BRI3BP: variants seen among roughly 807,000 people sequenced by gnomAD.
The protein encoded by BRI3BP is BRI3 binding protein, also known as BRI3-binding protein.
In BRI3BP, 7 loss-of-function variants were observed where a neutral mutation model predicts 15.8. The observed-to-expected ratio is 0.44, with a 90% CI of 0.25 to 0.83. BRI3BP has a LOEUF of 0.83. BRI3BP is among the 40% of genes least tolerant of loss of function. BRI3BP has a pLI of 0.20. For synonymous variants in BRI3BP, 192 were observed against 163.5 expected, an observed-to-expected ratio of 1.17 and a Z score of -1.33; for missense variants, 320 against 339.3, an observed-to-expected ratio of 0.94 and a Z score of 0.45.
chr12:125,021,683 G>T (rs1195248814), intron 2 of BRI3BP, among the ~76,000 whole-genome samples: 2 of 152,182 alleles, frequency 1.3e-5, no homozygotes, highest in East Asian at 3.8e-4. Flanking sequence ...GGGAAGCAAG[G>T]CACGTCTTAC....
chr12:124,993,835 C>CTG lies in BRI3BP; in HGVS notation c.45_46insTG (p.Leu16CysfsTer62), dbSNP rs1955016132. 1.7e-6 allele frequency: 2 copies of CTG among 1,148,738 alleles called. No individual in the cohort carries two copies. The highest frequency in any genetic ancestry group is 3.4e-5 in the African/African-American group (2 of 59,620). 71.2% of individuals were successfully genotyped at this position (1,148,738 alleles called of 1,614,324 possible). On this transcript the variant is annotated frameshift_variant, in exon 1 of 3. Coordinates refer to ENST00000341446, the MANE Select transcript of BRI3BP (RefSeq NM_080626.6). LOFTEE classifies it high-confidence loss of function. ...GCGGGCCCCTGGCCCGGGCCGGGCT[C>CTG]CTGCTGCTGCTGCTGCTGCTGCTGC...
At chr12:124,997,761 GGCA>G (rs1273656077) in intron 1 of BRI3BP, among the ~76,000 whole-genome samples, 2 of 152,022 alleles carry the variant, frequency 1.3e-5, no homozygotes, top group African/African-American at 2.4e-5. Context: ...GGCCAAGGTG[GGCA>G]GCTCATCTGA....
chr12:125,031,727 C>G (rs1407143082), downstream of BRI3BP, among the ~76,000 whole-genome samples: 1 of 151,922 alleles, frequency 6.6e-6, no homozygotes, highest in East Asian at 1.9e-4. Flanking sequence ...TGGGGTTTCA[C>G]CATGTTGGCC....
chr12:125,014,755 C>T (rs1955228071), intron 2 of BRI3BP, among the ~76,000 whole-genome samples: 1 of 152,210 alleles, frequency 6.6e-6, no homozygotes. Context: ...CAGCTCTGCA[C>T]CTGGCACAAA....
chr12:125,032,764 ATCCT>A (rs1955416173), downstream of BRI3BP, among the ~76,000 whole-genome samples: 1 of 152,254 alleles, frequency 6.6e-6, no homozygotes, highest in African/African-American at 2.4e-5. Context: ...ACAGAGTGAG[ATCCT>A]ATCTCAAAAT....
chr12:125,019,791 G>T (rs1326148946), intron 2 of BRI3BP, among the ~76,000 whole-genome samples: 1 of 151,652 alleles, frequency 6.6e-6, no homozygotes, highest in African/African-American at 2.4e-5. Context: ...ATAGGAAAGA[G>T]ACTGGCAAAC....
chr12:125,021,536 G>A (rs987856951), intron 2 of BRI3BP, among the ~76,000 whole-genome samples: 3 of 152,148 alleles, frequency 2.0e-5, no homozygotes, highest in African/African-American at 7.2e-5. Flanking sequence ...GATCCTATCT[G>A]TATTTGCTGG....
rs1339391416 is a variant in BRI3BP at position 125,030,316 on chromosome 12, A to G, written c.*4886A>G. The stretch of plus-strand genomic sequence containing the variant: ...CCCACTCCTGACTTTTTTATTTTTA[A>G]TGGTCTATACCTTCTGCAACATTTT... On this transcript the variant is annotated 3_prime_UTR_variant, in exon 3 of 3. Transcript: ENST00000341446. The G allele has an allele frequency of 6.6e-6, 1 of 152,128 alleles. No individual in the cohort carries two copies. The highest frequency in any genetic ancestry group is 2.4e-5 in the African/African-American group (1 of 41,418). The allele number at this position is 152,128 out of a possible 1,614,324, so 9.4% of individuals were successfully genotyped here.
chr12:125,002,840 T>A (rs1424541454), intron 1 of BRI3BP, among the ~76,000 whole-genome samples: 2 of 152,182 alleles, frequency 1.3e-5, no homozygotes, highest in African/African-American at 4.8e-5. Context: ...TTAGCTTTCA[T>A]GGCAAGAATT....
Position 125,025,529 on chromosome 12 carries a change from A to C in BRI3BP, c.*99A>C. 4 of 1,222,832 alleles carry C rather than the reference A, an allele frequency of 3.3e-6. No homozygotes were observed. Among genetic ancestry groups the C allele is most frequent in the Non-Finnish European group, 4.4e-6 (4 of 905,050 alleles). The allele number at this position is 1,222,832 out of a possible 1,614,324, so 75.7% of individuals were successfully genotyped here. On this transcript the variant is annotated 3_prime_UTR_variant, in exon 3 of 3. Coordinates refer to ENST00000341446, the MANE Select transcript of BRI3BP (RefSeq NM_080626.6). ...CAAACCCCAAACAATCTTAATAAAC[A>C]CGACTGAGCAAGAAAGTGGCGCTGT...
At chr12:124,998,504 G>A (rs1417229036) in intron 1 of BRI3BP, among the ~76,000 whole-genome samples, 1 of 152,110 alleles carries the variant, frequency 6.6e-6, no homozygotes. Flanking sequence ...AGCCAGTCAC[G>A]AAAGGGCACA....
intron 1 of BRI3BP, among the ~76,000 whole-genome samples, chr12:125,003,665 A>C (rs558500702): frequency 1.3e-5 from 2 of 152,232 alleles, no homozygotes; most frequent in South Asian, 4.1e-4. Flanking sequence ...TCAAAACCAC[A>C]ATACCGGCCG....
At chr12:125,049,151 C>T in the BRI3BP span, among the ~76,000 whole-genome samples, 4 of 151,962 alleles carry the variant, frequency 2.6e-5, no homozygotes, top group African/African-American at 4.8e-5. Context: ...TCAGTAAAGA[C>T]GGGATTTCAC....
intron 1 of BRI3BP, among the ~76,000 whole-genome samples, chr12:125,011,629 A>G (rs1343855409): frequency 6.6e-6 from 1 of 152,184 alleles, no homozygotes; most frequent in South Asian, 2.1e-4. Flanking sequence ...GGGGGATTCC[A>G]GTTGCCAGGA....
intron 1 of BRI3BP, among the ~76,000 whole-genome samples, chr12:125,009,974 C>T (rs190467450): frequency 1.7e-4 from 26 of 152,070 alleles, no homozygotes; most frequent in African/African-American, 5.5e-4. Context: ...TGATGGCAGG[C>T]GCCTGGAATT....
At chr12:125,002,797 AT>A (rs142005864) in intron 1 of BRI3BP, among the ~76,000 whole-genome samples, 9,256 of 152,214 alleles carry the variant, frequency 0.061, 415 homozygotes, top group Admixed American at 0.14. Flanking sequence ...GTATTGTATT[AT>A]TCTGATTATC....
intron 1 of BRI3BP, among the ~76,000 whole-genome samples, chr12:125,002,543 G>A (rs1316190871): frequency 6.7e-6 from 1 of 148,972 alleles, no homozygotes; most frequent in East Asian, 2.0e-4. Flanking sequence ...TGCAACCTCC[G>A]CCTCCGGGGT....
chr12:125,023,721 A>T (rs1175032274), intron 2 of BRI3BP, among the ~76,000 whole-genome samples: 1 of 152,094 alleles, frequency 6.6e-6, no homozygotes, highest in East Asian at 1.9e-4. Context: ...TAATTTTTTT[A>T]AAATTTGTGT....
chr12:125,008,020 A>G (rs1163044201), intron 1 of BRI3BP, among the ~76,000 whole-genome samples: 1 of 152,032 alleles, frequency 6.6e-6, no homozygotes, highest in African/African-American at 2.4e-5. Context: ...GTGGAAACAG[A>G]TTGCTGGGCT....
Sources: gnomAD v4.1 joint callset for allele counts (sites outside exome capture counted in the v4.1 genomes callset) on GRCh38, gnomAD v4.1.1 for gene constraint, MANE v1.5 for transcripts, NCBI Gene and HGNC (gene_info 2026-07-23, HGNC 2026-07-21) for gene names.